CNTNAP2: variants seen among roughly 807,000 people sequenced by gnomAD.
CNTNAP2 encodes the protein contactin-associated protein-like 2.
CNTNAP2 carries 98 observed loss-of-function variants against 155.2 expected under a neutral mutation model. The ratio of observed to expected loss-of-function variants is 0.63; its 90% CI spans 0.54 to 0.75. CNTNAP2 has a LOEUF of 0.75. Among genes scored for constraint, CNTNAP2 ranks in the 30% least tolerant of loss-of-function variants. The pLI, the probability that CNTNAP2 is intolerant of heterozygous loss-of-function variation, is 0.00. For synonymous variants in CNTNAP2, 651 were observed against 631.2 expected (o/e 1.03, Z -0.47); for missense variants, 1,727 against 1,688.1 (o/e 1.02, Z -0.40).
chr7:146,269,351 C>T (rs1355805056), intron 1 of CNTNAP2, among the ~76,000 whole-genome samples: 2 of 151,910 alleles, frequency 1.3e-5, no homozygotes, highest in Admixed American at 6.6e-5. Context: ...ATCAATCAAT[C>T]AATCAATCAA....
chr7:146,747,242 A>G (rs1430072236), intron 1 of CNTNAP2, among the ~76,000 whole-genome samples: 2 of 152,114 alleles, frequency 1.3e-5, no homozygotes, highest in African/African-American at 4.8e-5. Context: ...ATACCTACAA[A>G]ATACTTGCAA....
intron 13 of CNTNAP2, among the ~76,000 whole-genome samples, chr7:147,883,720 A>G (rs2116719924): frequency 6.6e-6 from 1 of 152,302 alleles, no homozygotes; most frequent in South Asian, 2.1e-4. Flanking sequence ...AGAATTCAAA[A>G]TGTGCGCATG....
At chr7:147,720,119 A>G (rs1223236018) in intron 13 of CNTNAP2, among the ~76,000 whole-genome samples, 7 of 151,998 alleles carry the variant, frequency 4.6e-5, no homozygotes, top group Non-Finnish European at 2.9e-5. Context: ...ATAAATTCCA[A>G]TTTTCCCAAA....
chr7:147,825,861 ATGGGGTGTGGGTGT>A (rs1427490495), intron 13 of CNTNAP2, among the ~76,000 whole-genome samples: 1 of 152,096 alleles, frequency 6.6e-6, no homozygotes, highest in Non-Finnish European at 1.5e-5. Context: ...AAAAGATGAT[ATGGGGTGTGGGTGT>A]TGAAGATAGA....
chr7:147,354,014 C>T (rs1395860417), intron 9 of CNTNAP2, among the ~76,000 whole-genome samples: 1 of 151,366 alleles, frequency 6.6e-6, no homozygotes, highest in Non-Finnish European at 1.5e-5. Context: ...TGTTTAAGTT[C>T]CTTGTAGATT....
chr7:146,661,787 G>A (rs1800094617), intron 1 of CNTNAP2, among the ~76,000 whole-genome samples: 1 of 149,564 alleles, frequency 6.7e-6, no homozygotes, highest in African/African-American at 2.5e-5. Context: ...TCATTGTGTA[G>A]GCACATGTAT....
chr7:146,875,969 CAAAAA>C lies in CNTNAP2; in HGVS notation c.402+36068_402+36072del, dbSNP rs796880300. ...AAAAAAAAAAAAAAAAAACAAAAAACAAAAAAACGAGAAGAAGAACAAAAACATCT... is the reference window on the plus strand; with the variant it reads ...AAAAAAAAAAAAAAAAAACAAAAAACAACGAGAAGAAGAACAAAAACATCT... On this transcript the variant is annotated intron_variant, in intron 3 of 23. Coordinates refer to ENST00000361727, the MANE Select transcript of CNTNAP2 (RefSeq NM_014141.6). 3.5e-4 allele frequency among the ~76,000 whole-genome samples: 29 copies of C among 82,088 alleles called. 2 individuals are homozygous for C. The highest frequency in any genetic ancestry group is 3.1e-4 in the African/African-American group (7 of 22,700). 53.9% of individuals were successfully genotyped at this position (82,088 alleles called of 152,430 possible).
intron 4 of CNTNAP2, among the ~76,000 whole-genome samples, chr7:147,053,713 T>C (rs1270107667): frequency 1.3e-5 from 2 of 152,142 alleles, no homozygotes; most frequent in African/African-American, 4.8e-5. Context: ...ACTTTTATTA[T>C]ACATATTAGT....
At chr7:147,651,170 G>A (rs1052039455) in intron 13 of CNTNAP2, among the ~76,000 whole-genome samples, 2 of 152,118 alleles carry the variant, frequency 1.3e-5, no homozygotes, top group South Asian at 2.1e-4. Flanking sequence ...GCAACAGCGG[G>A]GCCTGGCAAG....
At chr7:147,185,059 T>A (rs1462629509) in intron 8 of CNTNAP2, among the ~76,000 whole-genome samples, 2 of 152,096 alleles carry the variant, frequency 1.3e-5, no homozygotes, top group African/African-American at 4.8e-5. Flanking sequence ...CAGGAGGACA[T>A]CTAAAATGGT....
chr7:148,077,693 G>T (rs912533924), intron 15 of CNTNAP2, among the ~76,000 whole-genome samples: 11 of 152,132 alleles, frequency 7.2e-5, no homozygotes, highest in Non-Finnish European at 1.2e-4. Flanking sequence ...TACACATTTT[G>T]ACTGAATTGT....
intron 1 of CNTNAP2, among the ~76,000 whole-genome samples, chr7:146,566,193 C>A (rs1798354619): frequency 6.6e-6 from 1 of 152,168 alleles, no homozygotes; most frequent in Non-Finnish European, 1.5e-5. Context: ...AAGATAGCAT[C>A]GTCGTTTTAA....
At chr7:148,247,619 CTCTCTCTATTTATT>C (rs1238992535) in intron 20 of CNTNAP2, among the ~76,000 whole-genome samples, 5 of 141,990 alleles carry the variant, frequency 3.5e-5, no homozygotes, top group East Asian at 4.0e-4. Context: ...CTCTCTCTCT[CTCTCTCTATTTATT>C]TATTTATTTA....
chr7:146,288,354 A>G (rs1800372324), intron 1 of CNTNAP2, among the ~76,000 whole-genome samples: 1 of 151,978 alleles, frequency 6.6e-6, no homozygotes. Flanking sequence ...GGAGTGTACA[A>G]GAAGGCTTGG....
chr7:148,096,216 C>A (rs1036989035), intron 15 of CNTNAP2, among the ~76,000 whole-genome samples: 2 of 151,962 alleles, frequency 1.3e-5, no homozygotes, highest in South Asian at 4.2e-4. Flanking sequence ...CTATGTTATT[C>A]CAACCTCATC....
chr7:146,918,957 C>T (rs978588454), intron 3 of CNTNAP2, among the ~76,000 whole-genome samples: 1 of 152,130 alleles, frequency 6.6e-6, no homozygotes, highest in African/African-American at 2.4e-5. Flanking sequence ...CTTTCTTCTA[C>T]TTGTTTGATT....
At chr7:147,747,221 C>T (rs1022785507) in intron 13 of CNTNAP2, among the ~76,000 whole-genome samples, 1 of 152,174 alleles carries the variant, frequency 6.6e-6, no homozygotes, top group African/African-American at 2.4e-5. Flanking sequence ...AGGAGTCTTC[C>T]TCCTTCAATC....
intron 6 of CNTNAP2, among the ~76,000 whole-genome samples, chr7:147,125,225 C>A (rs1388221040): frequency 1.3e-5 from 2 of 152,014 alleles, no homozygotes; most frequent in Admixed American, 1.3e-4. Context: ...CCATGTCGAC[C>A]AGGATGGTCT....
intron 18 of CNTNAP2, among the ~76,000 whole-genome samples, chr7:148,175,965 C>T (rs1794926641): frequency 6.6e-6 from 1 of 152,208 alleles, no homozygotes; most frequent in East Asian, 1.9e-4. Context: ...ATATTCCATA[C>T]CTACTTTCCC....
Sources: gnomAD v4.1 joint callset for allele counts (sites outside exome capture counted in the v4.1 genomes callset) on GRCh38, gnomAD v4.1.1 for gene constraint, MANE v1.5 for transcripts, NCBI Gene and HGNC (gene_info 2026-07-23, HGNC 2026-07-21) for gene names.